The following MLIP variants were observed in gnomAD, a reference collection of about 807,000 sequenced individuals.
The protein encoded by MLIP is muscular LMNA interacting protein.
MLIP carries 79 observed loss-of-function variants against 84.8 expected under a neutral mutation model. The observed-to-expected ratio is 0.93, with a 90% CI of 0.78 to 1.12. The LOEUF (loss-of-function observed/expected upper bound fraction) is 1.12, where lower values mean the gene tolerates loss of function less well. Ranked by LOEUF, MLIP falls within the 50% of genes most tolerant of loss-of-function variation. MLIP has a pLI of 0.00. For missense variants in MLIP, 1,257 were observed against 1,160.6 expected (o/e 1.08, Z -1.21); for synonymous variants, 504 against 463.0 (o/e 1.09, Z -1.14).
intron 4 of MLIP, among the ~76,000 whole-genome samples, chr6:54,141,330 C>T (rs1383208801): frequency 1.9e-5 from 1 of 52,284 alleles, no homozygotes; most frequent in Non-Finnish European, 3.3e-5. Context: ...TTTTTTGAGA[C>T]ACGTCCCACT....
chr6:54,164,012 T>C (rs989046489), intron 8 of MLIP, among the ~76,000 whole-genome samples: 1 of 151,954 alleles, frequency 6.6e-6, no homozygotes. Flanking sequence ...TACGAAGTAT[T>C]TTGTCAGCAT....
intron 1 of MLIP, among the ~76,000 whole-genome samples, chr6:54,101,793 G>T (rs1179034543): frequency 6.6e-6 from 1 of 152,046 alleles, no homozygotes; most frequent in Admixed American, 6.6e-5. Flanking sequence ...CAATATAATT[G>T]TATTCTTTGA....
chr6:54,098,264 T>C (rs990731659), intron 1 of MLIP, among the ~76,000 whole-genome samples: 1 of 148,046 alleles, frequency 6.8e-6, no homozygotes, highest in African/African-American at 2.5e-5. Context: ...CAAGAGCTCC[T>C]CCACCTCCAC....
chr6:54,033,200 C>A (rs1314076342), intron 1 of MLIP, among the ~76,000 whole-genome samples: 1 of 151,860 alleles, frequency 6.6e-6, no homozygotes, highest in Non-Finnish European at 1.5e-5. Context: ...AGGTAAAGTA[C>A]TTTGCGATCA....
intron 4 of MLIP, among the ~76,000 whole-genome samples, chr6:54,146,329 T>C (rs1433617013): frequency 6.6e-6 from 1 of 152,232 alleles, no homozygotes; most frequent in Admixed American, 6.5e-5. Flanking sequence ...TTGATGATTA[T>C]ATTTTACTAT....
intron 11 of MLIP, chr6:54,216,372 A>C (rs1249188858): frequency 1.0e-6 from 1 of 985,262 alleles, no homozygotes; most frequent in East Asian, 1.1e-4. Flanking sequence ...ATAAAAGACC[A>C]GAATCCAACT....
At chr6:54,227,474 T>TTCC (rs1780655060) in intron 11 of MLIP, among the ~76,000 whole-genome samples, 1 of 152,086 alleles carries the variant, frequency 6.6e-6, no homozygotes, top group Admixed American at 6.5e-5. Flanking sequence ...AAATGTTACA[T>TTCC]ATAAAAGAGC....
intron 13 of MLIP, among the ~76,000 whole-genome samples, chr6:54,263,611 A>G (rs973113762): frequency 6.6e-6 from 1 of 151,988 alleles, no homozygotes; most frequent in African/African-American, 2.4e-5. Context: ...ATTTAATGGG[A>G]ATGAAAAACC....
At chr6:54,177,002 C>A (rs1776356589) in intron 9 of MLIP, among the ~76,000 whole-genome samples, 1 of 152,002 alleles carries the variant, frequency 6.6e-6, no homozygotes, top group African/African-American at 2.4e-5. Context: ...TAGCCGTAAG[C>A]AGAAAATTGA....
At chr6:54,110,246 G>C (rs1769354847), upstream of MLIP, among the ~76,000 whole-genome samples, 1 of 151,972 alleles carries the variant, frequency 6.6e-6, no homozygotes, top group Non-Finnish European at 1.5e-5. Flanking sequence ...GCCTCCCAAA[G>C]TGCTGGGATT....
chr6:54,081,371 C>T (rs1417106333), intron 1 of MLIP, among the ~76,000 whole-genome samples: 1 of 149,744 alleles, frequency 6.7e-6, no homozygotes, highest in Non-Finnish European at 1.5e-5. Context: ...TGGAACCTAT[C>T]AATCAATGTT....
intron 12 of MLIP, among the ~76,000 whole-genome samples, chr6:54,237,678 T>TAAA (rs572232087): frequency 2.6e-5 from 3 of 116,454 alleles, no homozygotes; most frequent in African/African-American, 9.4e-5. Context: ...AGACTGTCTC[T>TAAA]AAAAAAAAAA....
intron 12 of MLIP, among the ~76,000 whole-genome samples, chr6:54,243,491 A>G (rs1244808826): frequency 2.0e-5 from 3 of 152,224 alleles, no homozygotes; most frequent in Admixed American, 1.3e-4. Flanking sequence ...GAAGTCACTG[A>G]AATTTTATAA....
chr6:54,230,800 A>G lies in MLIP; in HGVS notation c.2805A>G (p.Pro935=). 3.7e-6 allele frequency: 6 copies of G among 1,614,022 alleles called. No homozygotes were observed. The highest frequency in any genetic ancestry group is 5.1e-6 in the Non-Finnish European group (6 of 1,179,976). ...CTCCTGCTAAGTCACTGCTGCATCC[A>G]CAGACCCTCTCACATGCTGACTGTC... The part of the protein sequence containing the change: ...LYPPAKSLLH[P]QTLSHADCLA... The change falls in exon 12 of 14, where the codon CCA becomes CCG. Residue 935 remains proline (P), a synonymous_variant. Coordinates refer to ENST00000502396, the MANE Select transcript of MLIP (RefSeq NM_001281747.2).
chr6:54,255,500 G>A (rs1463021323), intron 12 of MLIP, among the ~76,000 whole-genome samples: 1 of 152,066 alleles, frequency 6.6e-6, no homozygotes, highest in Admixed American at 6.6e-5. Flanking sequence ...TATTAAAAAG[G>A]CAAATCTACT....
intron 3 of MLIP, among the ~76,000 whole-genome samples, chr6:54,131,378 A>C (rs1366606045): frequency 6.6e-6 from 1 of 151,988 alleles, no homozygotes; most frequent in Admixed American, 6.6e-5. Flanking sequence ...ACCTTTTTTT[A>C]ATTTTTATTT....
intron 5 of MLIP, among the ~76,000 whole-genome samples, chr6:54,153,165 T>C (rs1322452354): frequency 1.3e-5 from 2 of 152,114 alleles, no homozygotes; most frequent in African/African-American, 4.8e-5. Context: ...ATTACAGGTT[T>C]AATTCTTTAA....
chr6:54,232,927 A>G (rs568060337), intron 12 of MLIP, among the ~76,000 whole-genome samples: 1 of 152,240 alleles, frequency 6.6e-6, no homozygotes, highest in South Asian at 2.1e-4. Flanking sequence ...AACAGGTTGT[A>G]TTCTTCTTCT....
intron 13 of MLIP, among the ~76,000 whole-genome samples, chr6:54,265,193 T>C (rs145675391): frequency 6.6e-6 from 1 of 152,164 alleles, no homozygotes; most frequent in Non-Finnish European, 1.5e-5. Flanking sequence ...CGTCACATTG[T>C]TCTATCAGAG....
Sources: allele counts gnomAD v4.1 joint callset (sites outside exome capture counted in the v4.1 genomes callset), GRCh38; gene constraint gnomAD v4.1.1; transcripts MANE v1.5; gene names NCBI Gene and HGNC (gene_info 2026-07-23, HGNC 2026-07-21).